ZCRB1: variants seen among roughly 807,000 people sequenced by gnomAD.
ZCRB1 encodes zinc finger CCHC-type and RNA-binding motif-containing protein 1.
In ZCRB1, 21 loss-of-function variants were observed where a neutral mutation model predicts 29.9. The ratio of observed to expected loss-of-function variants is 0.70; its 90% CI spans 0.50 to 1.01. The LOEUF (loss-of-function observed/expected upper bound fraction) is 1.01, where lower values mean the gene tolerates loss of function less well. Among genes scored for constraint, ZCRB1 ranks in the 50% least tolerant of loss-of-function variants. The pLI, the probability that ZCRB1 is intolerant of heterozygous loss-of-function variation, is 0.00. For synonymous variants in ZCRB1, 77 were observed against 80.0 expected, an observed-to-expected ratio of 0.96 and a Z score of 0.20; for missense variants, 204 against 253.3, an observed-to-expected ratio of 0.81 and a Z score of 1.32.
intron 5 of ZCRB1, 89 bp downstream of exon 5, chr12:42,317,251 G>T: frequency 2.4e-6 from 2 of 850,072 alleles, no homozygotes; most frequent in Non-Finnish European, 3.6e-6. Context: ...GGTTTAGCCA[G>T]TCAGAAGTTT....
At chr12:42,317,995 A>C in intron 3 of ZCRB1, 97 bp from the exon 4 acceptor site, 4 of 890,854 alleles carry the variant, frequency 4.5e-6, no homozygotes, top group Non-Finnish European at 6.8e-6. Context: ...AAAAATTTAT[A>C]AGATAAATTA....
intron 1 of ZCRB1, among the ~76,000 whole-genome samples, chr12:42,324,424 A>T (rs753867215): frequency 3.9e-5 from 6 of 152,356 alleles, no homozygotes; most frequent in Middle Eastern, 3.4e-3. Context: ...CTGGGATTAC[A>T]GGCATGAATC....
In ZCRB1 at chr12:42,313,933, C is replaced by T. The variant is rs775042207; in HGVS notation, c.387G>A (p.Glu129=). 8 of 1,604,710 alleles carry T rather than the reference C, an allele frequency of 5.0e-6. No individual in the cohort carries two copies. The African/African-American group carries it at 1.1e-4, about 22-fold the overall frequency. ...TCTTTTTTTCTTTCTTCTTTGGAGGCTCACGTTCTCCGAGCATATTTTTCG... is the reference window on the plus strand; with the variant it reads ...TCTTTTTTTCTTTCTTCTTTGGAGGTTCACGTTCTCCGAGCATATTTTTCG... The part of the protein sequence containing the change: ...ACPKNMLGER[E]PPKKKEKKKK... Residue 129 remains glutamate (E), a synonymous_variant, in exon 6 of 8, where the codon GAG becomes GAA. Transcript: ENST00000266529.
At chr12:42,322,562 A>C in intron 2 of ZCRB1, 116 bp from the exon 3 acceptor site, 1 of 1,131,900 alleles carries the variant, frequency 8.8e-7, no homozygotes, top group Non-Finnish European at 1.2e-6. Flanking sequence ...TTCAGCCTTC[A>C]GTCTATAAGA....
At chr12:42,317,712 A>G in intron 4 of ZCRB1, 75 bp downstream of exon 4, 3 of 1,269,176 alleles carry the variant, frequency 2.4e-6, no homozygotes, top group South Asian at 1.2e-5. Context: ...ATGATCCACT[A>G]TATCCCCACA....
intron 3 of ZCRB1, among the ~76,000 whole-genome samples, chr12:42,319,935 T>C (rs1181649385): frequency 6.6e-6 from 1 of 152,152 alleles, no homozygotes; most frequent in African/African-American, 2.4e-5. Context: ...GCACTAACAG[T>C]AGTTTTTACC....
rs912769566 is a variant in ZCRB1, at chr12:42,314,875, G to A, written c.334-889C>T. Reference sequence around the variant, plus strand: ...ACTGAGGCACAAGAATTGATCGAACGCGGGAGGCAGAGACTGCAGTGAGCT... The same window carrying A: ...ACTGAGGCACAAGAATTGATCGAACACGGGAGGCAGAGACTGCAGTGAGCT... On this transcript the variant is annotated intron_variant, in intron 5 of 7. Transcript: ENST00000266529. 3.9e-5 allele frequency among the ~76,000 whole-genome samples: 6 copies of A among 151,974 alleles called. No homozygotes were observed. The South Asian group carries it at 6.2e-4, about 16-fold the overall frequency.
intron 5 of ZCRB1, 82 bp from the exon 6 acceptor site, chr12:42,314,068 A>G (rs2068582606): frequency 7.0e-7 from 1 of 1,421,952 alleles, no homozygotes; most frequent in Non-Finnish European, 9.4e-7. Flanking sequence ...CTTATTACTA[A>G]AAAGTTTTCA....
intron 5 of ZCRB1, among the ~76,000 whole-genome samples, chr12:42,315,427 C>T (rs1565691804): frequency 6.6e-6 from 1 of 152,002 alleles, no homozygotes; most frequent in Non-Finnish European, 1.5e-5. Flanking sequence ...TAGGACATAG[C>T]CCAACTTAAA....
intron 3 of ZCRB1, among the ~76,000 whole-genome samples, chr12:42,318,772 C>T (rs558049948): frequency 7.2e-5 from 11 of 151,798 alleles, no homozygotes; most frequent in Admixed American, 3.3e-4. Flanking sequence ...GAGAGAGAGA[C>T]GGAGGGAGGA....
intron 7 of ZCRB1, 31 bp from the exon 8 acceptor site, chr12:42,313,229 A>C: frequency 6.3e-7 from 1 of 1,590,768 alleles, no homozygotes; most frequent in Non-Finnish European, 8.5e-7. Flanking sequence ...CAAAACCAAT[A>C]ACCTGTTTAA....
chr12:42,322,581 AG>A (rs2068627036), intron 2 of ZCRB1, 135 bp from the exon 3 acceptor site: 2 of 905,260 alleles, frequency 2.2e-6, no homozygotes, highest in East Asian at 3.5e-5. Context: ...GACAGGCCCT[AG>A]GAAAAAGTTT....
rs1433861436 is a variant in ZCRB1, at chr12:42,325,966, C to G, written c.-45G>C. The G allele has an allele frequency of 6.6e-6, 1 of 152,428 alleles. No homozygotes were observed. The highest frequency in any genetic ancestry group is 1.9e-4 in the East Asian group (1 of 5,182). 9.4% of individuals were successfully genotyped at this position (152,428 alleles called of 1,614,324 possible). A position where few individuals can be genotyped will look rare whatever the true frequency, so the allele number is the denominator to read the frequency against. ...CTGGGAGACCAGAAGAGTGCGAGCC[C>G]TCGGCTCAGCTGGGGCTCAACCCCG... is the stretch of plus-strand genomic sequence containing the variant. On this transcript the variant is annotated 5_prime_UTR_variant, in exon 1 of 8. Transcript: ENST00000266529.
intron 3 of ZCRB1, among the ~76,000 whole-genome samples, chr12:42,321,049 C>T (rs1319837932): frequency 6.6e-6 from 1 of 152,176 alleles, no homozygotes; most frequent in Non-Finnish European, 1.5e-5. Context: ...AAGCTATTCC[C>T]TCTACCTGAA....
At chr12:42,317,207 AT>A in intron 5 of ZCRB1, 132 bp downstream of exon 5, 1 of 625,822 alleles carries the variant, frequency 1.6e-6, no homozygotes, top group Non-Finnish European at 2.6e-6. Flanking sequence ...TCTCAAAAAA[AT>A]AAATATTAAA....
Position 42,312,148 on chromosome 12 carries a change from A to G in ZCRB1, c.*919T>C, listed in dbSNP as rs1231633889. On this transcript the variant is annotated 3_prime_UTR_variant, in exon 8 of 8. Coordinates refer to ENST00000266529, the MANE Select transcript of ZCRB1 (RefSeq NM_033114.4). ...GGATGACAATAATAATATTACTATG[A>G]TAGTATTAACTTATTTCTATTGCTT... 1 of 152,122 alleles carries G rather than the reference A, an allele frequency of 6.6e-6. No individual in the cohort carries two copies. Among genetic ancestry groups the G allele is most frequent in the Non-Finnish European group, 1.5e-5 (1 of 68,018 alleles). 9.4% of individuals were successfully genotyped at this position (152,122 alleles called of 1,614,324 possible).
intron 3 of ZCRB1, among the ~76,000 whole-genome samples, chr12:42,321,952 A>C (rs961749591): frequency 1.3e-5 from 2 of 152,198 alleles, no homozygotes; most frequent in Non-Finnish European, 2.9e-5. Context: ...CTATCTCTGA[A>C]GGAAGATAAT....
chr12:42,324,552 C>T (rs139744230), intron 1 of ZCRB1, among the ~76,000 whole-genome samples: 3 of 152,316 alleles, frequency 2.0e-5, no homozygotes, highest in African/African-American at 7.2e-5. Flanking sequence ...TTAACAATCA[C>T]CGATTTAATT....
intron 5 of ZCRB1, among the ~76,000 whole-genome samples, chr12:42,316,487 T>C (rs1177051832): frequency 6.6e-6 from 1 of 151,896 alleles, no homozygotes; most frequent in Non-Finnish European, 1.5e-5. Flanking sequence ...ACAGACCTTA[T>C]ACAAAATTAT....
Sources: gnomAD v4.1 joint callset for allele counts (sites outside exome capture counted in the v4.1 genomes callset) on GRCh38, gnomAD v4.1.1 for gene constraint, MANE v1.5 for transcripts, NCBI Gene and HGNC (gene_info 2026-07-23, HGNC 2026-07-21) for gene names.